Variants in RAD51B observed in about 807,000 individuals in gnomAD.
RAD51B encodes DNA repair protein RAD51 homolog 2.
RAD51B carries 38 observed loss-of-function variants against 42.2 expected under a neutral mutation model. The ratio of observed to expected loss-of-function variants is 0.90; its 90% CI spans 0.70 to 1.18. The LOEUF is 1.18. RAD51B is among the 50% of genes most tolerant of loss of function. The pLI, the probability that RAD51B is intolerant of heterozygous loss-of-function variation, is 0.00. For missense variants in RAD51B, 373 were observed against 400.7 expected, an observed-to-expected ratio of 0.93 and a Z score of 0.59; for synonymous variants, 154 against 145.2, an observed-to-expected ratio of 1.06 and a Z score of -0.43.
At chr14:68,020,702 T>C (rs1456795447) in intron 7 of RAD51B, among the ~76,000 whole-genome samples, 2 of 152,144 alleles carry the variant, frequency 1.3e-5, no homozygotes, top group Non-Finnish European at 2.9e-5. Context: ...AGACTGTGAA[T>C]ATAGGTAATG....
chr14:68,649,013 C>T (rs1892643957), intron 10 of RAD51B, among the ~76,000 whole-genome samples: 2 of 152,022 alleles, frequency 1.3e-5, no homozygotes, highest in Admixed American at 1.3e-4. Context: ...AGGCAACCCT[C>T]GCATGTCATA....
chr14:68,490,302 A>G (rs1883963032), intron 10 of RAD51B, among the ~76,000 whole-genome samples: 2 of 152,228 alleles, frequency 1.3e-5, no homozygotes, highest in Non-Finnish European at 2.9e-5. Context: ...AAAATTAAAA[A>G]TTTCTAGAGA....
intron 10 of RAD51B, among the ~76,000 whole-genome samples, chr14:68,573,208 CCTCA>C (rs1488232434): frequency 1.3e-5 from 2 of 152,190 alleles, no homozygotes; most frequent in Non-Finnish European, 2.9e-5. Context: ...GCAGCTCTCA[CCTCA>C]CTCATAAAAG....
At position 68,546,020 on chromosome 14, in the gene RAD51B, T is replaced by A. The variant is rs116409769; in HGVS notation, c.1037-48465T>A. Among the ~76,000 whole-genome samples the A allele has an allele frequency of 1.8e-3, 270 of 152,362 alleles. 2 individuals carry two copies. Among genetic ancestry groups the A allele is most frequent in the African/African-American group, 6.3e-3 (264 of 41,596 alleles). ...TAGCTTGCTTCTTGTTTGATTTCCCTAACTGGGATGTGAGTTCCACGAGGA... is the reference window on the plus strand; with the variant it reads ...TAGCTTGCTTCTTGTTTGATTTCCCAAACTGGGATGTGAGTTCCACGAGGA... On this transcript the variant is annotated intron_variant, in intron 10 of 10. Transcript: ENST00000487270.
chr14:68,188,746 A>AGACTTCT (rs2079206382), intron 7 of RAD51B, among the ~76,000 whole-genome samples: 3 of 152,120 alleles, frequency 2.0e-5, no homozygotes, highest in Admixed American at 6.5e-5. Flanking sequence ...TCCTATTTAG[A>AGACTTCT]GACTTCTTTT....
chr14:68,374,293 A>G (rs2083321048), intron 8 of RAD51B, among the ~76,000 whole-genome samples: 1 of 152,152 alleles, frequency 6.6e-6, no homozygotes. Context: ...TAATGAGCAA[A>G]TGTGCTGTAA....
rs577114075 is a variant in RAD51B at position 68,142,103 on chromosome 14, A to T, written c.757-149781A>T. Reference sequence around the variant, plus strand: ...TACACTGAAATGAATATAAAGAAGGAAAAACTAGTTAATTTAACTTTTACT... The same window carrying T: ...TACACTGAAATGAATATAAAGAAGGTAAAACTAGTTAATTTAACTTTTACT... On this transcript the variant is annotated intron_variant, in intron 7 of 10. Transcript: ENST00000471583. Among the ~76,000 whole-genome samples the T allele has an allele frequency of 2.0e-5, 3 of 152,340 alleles. No individual in the cohort carries two copies. In the South Asian group the frequency reaches 6.2e-4, roughly 32 times the overall value.
intron 7 of RAD51B, among the ~76,000 whole-genome samples, chr14:68,235,139 G>A (rs549834436): frequency 1.2e-4 from 18 of 151,972 alleles, no homozygotes; most frequent in South Asian, 6.2e-4. Context: ...ATTATGTGCC[G>A]TACATTATTG....
rs1207879928 is a variant in RAD51B, at chr14:68,469,686, G to A, written c.1036+1436G>A. 3.3e-5 allele frequency among the ~76,000 whole-genome samples: 5 copies of A among 152,298 alleles called. No individual in the cohort carries two copies. In the East Asian group the frequency reaches 7.7e-4, roughly 23 times the overall value. ...CTTTTATTTACCCAGTACACAGGGT[G>A]GCATTCAGCTCTTCATTTTTAGAGG... On this transcript the variant is annotated intron_variant, in intron 10 of 10. Coordinates refer to ENST00000471583, the MANE Select transcript of RAD51B (RefSeq NM_133510.4).
At chr14:68,421,940 A>G in intron 9 of RAD51B, 1 of 1,566,906 alleles carries the variant, frequency 6.4e-7, no homozygotes, top group African/African-American at 1.4e-5. Context: ...TGAAGTTCTC[A>G]TTTTCAAATT....
At chr14:68,271,866 A>G (rs530504110) in intron 7 of RAD51B, among the ~76,000 whole-genome samples, 6 of 152,256 alleles carry the variant, frequency 3.9e-5, no homozygotes, top group Non-Finnish European at 8.8e-5. Context: ...GGTGGCCTTG[A>G]CAATAAATGA....
Position 68,066,227 on chromosome 14 carries a change from A to G in RAD51B, c.756+179023A>G, listed in dbSNP as rs576364296. Among the ~76,000 whole-genome samples the G allele has an allele frequency of 4.9e-4, 75 of 152,272 alleles. 1 individual carries two copies. The highest frequency in any genetic ancestry group is 1.0e-3 in the South Asian group (5 of 4,824). ...TAGTAATTAAATAAGGCAGGATAATAAAACTGTAAAGAACATGATTTCATA... is the reference window on the plus strand; with the variant it reads ...TAGTAATTAAATAAGGCAGGATAATGAAACTGTAAAGAACATGATTTCATA... On this transcript the variant is annotated intron_variant, in intron 7 of 10. Coordinates refer to ENST00000471583, the MANE Select transcript of RAD51B (RefSeq NM_133510.4).
chr14:68,570,706 G>A (rs1409084741), intron 10 of RAD51B, among the ~76,000 whole-genome samples: 1 of 152,206 alleles, frequency 6.6e-6, no homozygotes, highest in Non-Finnish European at 1.5e-5. Context: ...CCCCTATGGG[G>A]GTTAACAGGG....
Position 68,631,504 on chromosome 14 carries a change from T to G in RAD51B, c.1037-19277T>G, listed in dbSNP as rs902707753. Among the ~76,000 whole-genome samples the G allele has an allele frequency of 2.0e-5, 3 of 152,134 alleles. No homozygotes were observed. In the East Asian group the frequency reaches 5.8e-4, roughly 29 times the overall value. ...ACAGCTCGGAAGCCGGGGACAGGCC[T>G]TTAGTTAATGTGCTAGAATGGATGG... On this transcript the variant is annotated intron_variant, in intron 10 of 11. Coordinates refer to the RAD51B transcript ENST00000488612.
chr14:67,910,405 CAAAAAAAAAAAAAAAAAAAAA>C (rs576632132), intron 7 of RAD51B, among the ~76,000 whole-genome samples: 4 of 9,038 alleles, frequency 4.4e-4, no homozygotes, highest in African/African-American at 1.2e-3. Flanking sequence ...GACTCTGTCT[CAAAAAAAAAAAAAAAAAAAAA>C]AAAAAAAAAA....
intron 10 of RAD51B, among the ~76,000 whole-genome samples, chr14:68,630,740 A>G (rs1255230489): frequency 6.6e-6 from 1 of 151,860 alleles, no homozygotes; most frequent in African/African-American, 2.4e-5. Context: ...TATGTTCTAC[A>G]TTGACCCATA....
Position 67,981,284 on chromosome 14 carries a change from A to G in RAD51B, c.756+94080A>G, listed in dbSNP as rs931222172. Among the ~76,000 whole-genome samples, 3 of 152,246 alleles carry G rather than the reference A, an allele frequency of 2.0e-5. No homozygotes were observed. The East Asian group carries it at 5.8e-4, about 29-fold the overall frequency. On this transcript the variant is annotated intron_variant, in intron 7 of 10. Coordinates refer to ENST00000471583, the MANE Select transcript of RAD51B (RefSeq NM_133510.4). ...TATGTGTCAACTAAAAATAAAAGAA[A>G]AAAATAAAATTAAGAAGACTAACCA...
Position 68,136,471 on chromosome 14 carries a change from G to A in RAD51B, c.757-155413G>A, listed in dbSNP as rs1264480310. 1.8e-4 allele frequency among the ~76,000 whole-genome samples: 11 copies of A among 61,298 alleles called. 2 individuals carry two copies. The highest frequency in any genetic ancestry group is 3.8e-4 in the African/African-American group (11 of 28,916). 40.2% of individuals were successfully genotyped at this position (61,298 alleles called of 152,430 possible). A position where few individuals can be genotyped will look rare whatever the true frequency, so the allele number is the denominator to read the frequency against. ...CACATGCCTGGAGTCCCAGCTACTTGGGAGGCTGAGGCAGGAGAATCGCTT... is the reference window on the plus strand; with the variant it reads ...CACATGCCTGGAGTCCCAGCTACTTAGGAGGCTGAGGCAGGAGAATCGCTT... On this transcript the variant is annotated intron_variant, in intron 7 of 10. Transcript: ENST00000471583.
At chr14:68,604,141 C>T (rs151274390) in intron 10 of RAD51B, among the ~76,000 whole-genome samples, 3 of 152,308 alleles carry the variant, frequency 2.0e-5, no homozygotes, top group African/African-American at 7.2e-5. Context: ...GCTGGGGAGT[C>T]CGTCTAGAAA....
Sources: allele counts gnomAD v4.1 joint callset (sites outside exome capture counted in the v4.1 genomes callset), GRCh38; gene constraint gnomAD v4.1.1; transcripts MANE v1.5; gene names NCBI Gene and HGNC (gene_info 2026-07-23, HGNC 2026-07-21).